The following CNTN1 variants were observed in gnomAD, a reference collection of about 807,000 sequenced individuals.
CNTN1 encodes contactin 1.
In CNTN1, 38 loss-of-function variants were observed where a neutral mutation model predicts 126.4. The observed-to-expected ratio is 0.30, with a 90% CI of 0.23 to 0.39. The LOEUF is 0.39. Ranked by LOEUF, CNTN1 falls within the 10% of genes least tolerant of loss-of-function variation. The pLI, the probability that CNTN1 is intolerant of heterozygous loss-of-function variation, is 1.00. For synonymous variants in CNTN1, 413 were observed against 422.6 expected, an observed-to-expected ratio of 0.98 and a Z score of 0.28; for missense variants, 1,009 against 1,248.4, an observed-to-expected ratio of 0.81 and a Z score of 2.89.
In CNTN1 at chr12:40,894,817, A is replaced by G. The variant is rs144857443; in HGVS notation, c.-76-13540A>G. Reference sequence around the variant, plus strand: ...AATATTTCTGAATGAGTTTATTACAACTGAGTGGGGAATTTGAGTGTCATT... The same window carrying G: ...AATATTTCTGAATGAGTTTATTACAGCTGAGTGGGGAATTTGAGTGTCATT... On this transcript the variant is annotated intron_variant, in intron 1 of 23. Coordinates refer to ENST00000551295, the MANE Select transcript of CNTN1 (RefSeq NM_001843.4). 3.4e-3 allele frequency among the ~76,000 whole-genome samples: 515 copies of G among 152,268 alleles called. 5 individuals are homozygous for G. Among genetic ancestry groups the G allele is most frequent in the African/African-American group, 0.012 (482 of 41,558 alleles).
intron 17 of CNTN1, among the ~76,000 whole-genome samples, chr12:41,010,831 A>C (rs1174896519): frequency 6.7e-6 from 1 of 150,014 alleles, no homozygotes; most frequent in East Asian, 2.0e-4. Flanking sequence ...TTTTCCATCC[A>C]TCTGTGGCAT....
At chr12:41,029,686 C>T (rs1267008124) in intron 23 of CNTN1, among the ~76,000 whole-genome samples, 5 of 151,972 alleles carry the variant, frequency 3.3e-5, no homozygotes, top group Admixed American at 6.6e-5. Flanking sequence ...TTAATAATAA[C>T]CAAACTTCTA....
chr12:40,872,261 T>TGTGTG, intron 1 of CNTN1, among the ~76,000 whole-genome samples: 1 of 143,340 alleles, frequency 7.0e-6, no homozygotes. Context: ...TGTGTGTGTG[T>TGTGTG]TTTCCCTATC....
At chr12:40,914,843 T>C (rs1464729234) in intron 3 of CNTN1, among the ~76,000 whole-genome samples, 3 of 152,130 alleles carry the variant, frequency 2.0e-5, no homozygotes, top group African/African-American at 7.2e-5. Context: ...GTTATCCAGT[T>C]TGGCCTATAA....
chr12:40,758,895 T>C (rs1938721152), intron 1 of CNTN1, among the ~76,000 whole-genome samples: 1 of 151,830 alleles, frequency 6.6e-6, no homozygotes, highest in African/African-American at 2.4e-5. Context: ...TATATATATA[T>C]ATATATTCTT....
Position 41,071,659 on chromosome 12 carries a change from G to T in CNTN1, c.*1624G>T, listed in dbSNP as rs1011637403. 3.3e-5 allele frequency: 5 copies of T among 151,992 alleles called. No individual in the cohort carries two copies. Among genetic ancestry groups the T allele is most frequent in the African/African-American group, 7.3e-5 (3 of 41,358 alleles). The allele number at this position is 151,992 out of a possible 1,614,324, so 9.4% of individuals were successfully genotyped here. On this transcript the variant is annotated 3_prime_UTR_variant, in exon 24 of 24. Coordinates refer to ENST00000551295, the MANE Select transcript of CNTN1 (RefSeq NM_001843.4). ...TTTCATTAGTTTACATTTAACTCTG[G>T]TATAAAATGAAACTTTTAAAAATAA...
At chr12:40,828,585 AT>A (rs1941697915) in intron 1 of CNTN1, among the ~76,000 whole-genome samples, 1 of 152,154 alleles carries the variant, frequency 6.6e-6, no homozygotes. Context: ...AATGAGCTGA[AT>A]CAATAAGTGG....
At chr12:40,984,683 T>C (rs1002885607) in intron 16 of CNTN1, among the ~76,000 whole-genome samples, 2 of 152,124 alleles carry the variant, frequency 1.3e-5, no homozygotes, top group East Asian at 1.9e-4. Flanking sequence ...AATTTCAACA[T>C]GAGATTTAGA....
chr12:41,065,885 CA>C (rs1950040831), intron 23 of CNTN1, among the ~76,000 whole-genome samples: 1 of 152,232 alleles, frequency 6.6e-6, no homozygotes, highest in Admixed American at 6.5e-5. Flanking sequence ...TTTTCTGCCT[CA>C]GCTGATTTTC....
intron 1 of CNTN1, among the ~76,000 whole-genome samples, chr12:40,711,212 G>T (rs1427537786): frequency 2.0e-5 from 3 of 152,128 alleles, no homozygotes; most frequent in Non-Finnish European, 4.4e-5. Context: ...AGAAATTTCA[G>T]TCTTTCCCTG....
chr12:40,924,710 A>G, intron 6 of CNTN1, 58 bp downstream of exon 6: 1 of 899,336 alleles, frequency 1.1e-6, no homozygotes, highest in Non-Finnish European at 1.9e-6. Flanking sequence ...ACAAGTTTCC[A>G]TTTTCTTAGT....
intron 1 of CNTN1, among the ~76,000 whole-genome samples, chr12:40,842,815 C>T (rs952997943): frequency 6.6e-6 from 1 of 152,000 alleles, no homozygotes; most frequent in Non-Finnish European, 1.5e-5. Context: ...TTTGTCACAC[C>T]ATCCAATTAA....
At chr12:40,698,090 G>A (rs1941495736) in intron 1 of CNTN1, among the ~76,000 whole-genome samples, 2 of 152,022 alleles carry the variant, frequency 1.3e-5, no homozygotes, top group African/African-American at 2.4e-5. Flanking sequence ...ATTTGCTTAG[G>A]GCTGGTTGCT....
chr12:40,998,069 T>TG (rs1249968856), intron 17 of CNTN1, among the ~76,000 whole-genome samples: 1 of 151,428 alleles, frequency 6.6e-6, no homozygotes, highest in East Asian at 1.9e-4. Flanking sequence ...TTGAGGATGA[T>TG]GAAAAAAAAA....
intron 16 of CNTN1, among the ~76,000 whole-genome samples, chr12:40,987,856 C>T (rs1947998295): frequency 6.6e-6 from 1 of 151,742 alleles, no homozygotes; most frequent in African/African-American, 2.4e-5. Context: ...TTGAGTATCT[C>T]TTCTGCCATA....
chr12:40,892,310 C>A (rs1474860352), intron 1 of CNTN1, among the ~76,000 whole-genome samples: 1 of 152,050 alleles, frequency 6.6e-6, no homozygotes, highest in Non-Finnish European at 1.5e-5. Context: ...TCTGCATACT[C>A]CTTAAAGTGT....
chr12:40,758,694 C>T (rs1042727695), intron 1 of CNTN1, among the ~76,000 whole-genome samples: 2 of 152,040 alleles, frequency 1.3e-5, no homozygotes, highest in Non-Finnish European at 2.9e-5. Context: ...CAACAGTTAT[C>T]AACTCAAGAT....
intron 1 of CNTN1, among the ~76,000 whole-genome samples, chr12:40,846,877 T>C (rs1942526947): frequency 6.6e-6 from 1 of 150,674 alleles, no homozygotes; most frequent in African/African-American, 2.4e-5. Flanking sequence ...ATTATTTTTA[T>C]TTTTTTCTGA....
At chr12:40,730,039 A>G (rs7313099) in intron 1 of CNTN1, 150,180 of 152,360 alleles carry the variant, frequency 0.99, 74,040 homozygotes, top group Middle Eastern at 1. Flanking sequence ...GCAATTTCAT[A>G]TGTGTCCTCA....
Sources: gnomAD v4.1 joint callset for allele counts (sites outside exome capture counted in the v4.1 genomes callset) on GRCh38, gnomAD v4.1.1 for gene constraint, MANE v1.5 for transcripts, NCBI Gene and HGNC (gene_info 2026-07-23, HGNC 2026-07-21) for gene names.